GRAMD2B: variants seen among roughly 807,000 people sequenced by gnomAD.
The protein encoded by GRAMD2B is GRAM domain containing 2B.
In GRAMD2B, 41 loss-of-function variants were observed where a neutral mutation model predicts 59.2. The ratio of observed to expected loss-of-function variants is 0.69; its 90% CI spans 0.54 to 0.90. The LOEUF (loss-of-function observed/expected upper bound fraction) is 0.90, where lower values mean the gene tolerates loss of function less well. GRAMD2B is among the 40% of genes least tolerant of loss of function. The pLI is 0.00. For synonymous variants in GRAMD2B, 161 were observed against 182.7 expected (o/e 0.88, Z 0.96); for missense variants, 424 against 500.5 (o/e 0.85, Z 1.46).
intron 1 of GRAMD2B, among the ~76,000 whole-genome samples, chr5:126,396,526 G>T (rs899183509): frequency 6.6e-6 from 1 of 152,090 alleles, no homozygotes; most frequent in African/African-American, 2.4e-5. Context: ...TTTTATTACT[G>T]CATAGTATTG....
At chr5:126,423,935 A>C (rs530946422) in intron 1 of GRAMD2B, among the ~76,000 whole-genome samples, 1 of 152,336 alleles carries the variant, frequency 6.6e-6, no homozygotes, top group Admixed American at 6.5e-5. Flanking sequence ...AACTCACTGG[A>C]TGTTGGGAAA....
chr5:126,451,067 AC>A (rs1242166930), intron 1 of GRAMD2B, among the ~76,000 whole-genome samples: 1 of 152,026 alleles, frequency 6.6e-6, no homozygotes, highest in East Asian at 1.9e-4. Flanking sequence ...GGCAGCTTGC[AC>A]CCTACATCTG....
At chr5:126,467,960 G>A (rs1318065369) in intron 2 of GRAMD2B, among the ~76,000 whole-genome samples, 4 of 152,150 alleles carry the variant, frequency 2.6e-5, no homozygotes, top group African/African-American at 9.7e-5. Flanking sequence ...CTGTTTCTCT[G>A]TGACACCCAT....
intron 1 of GRAMD2B, among the ~76,000 whole-genome samples, chr5:126,389,677 G>A (rs1036751879): frequency 3.9e-5 from 6 of 152,296 alleles, no homozygotes; most frequent in Admixed American, 1.3e-4. Context: ...GCTGGGCACC[G>A]TGGCTCACAC....
At chr5:126,395,521 A>G (rs1422271) in intron 1 of GRAMD2B, among the ~76,000 whole-genome samples, 121,517 of 152,128 alleles carry the variant, frequency 0.8, 49,057 homozygotes, top group Non-Finnish European at 0.86. Context: ...AGGCAACACA[A>G]AATTCACAAA....
In GRAMD2B at chr5:126,473,281, A is replaced by G. The variant is rs766973752; in HGVS notation, c.399A>G (p.Leu133=). The change falls in exon 5 of 14, where the codon CTA becomes CTG. Residue 133 remains leucine, a synonymous_variant. Coordinates refer to ENST00000285689, the MANE Select transcript of GRAMD2B (RefSeq NM_023927.4). ...TTTTCCCAGGCTTTACCTGTGCTCT[A>G]CAGAAAGAAATACTATACCAAGGAA... ...EPLKQSFTCA[L]QKEILYQGKL... 2.1e-6 allele frequency: 3 copies of G among 1,446,096 alleles called. No homozygotes were observed. Among genetic ancestry groups the G allele is most frequent in the Middle Eastern group, 1.8e-4 (1 of 5,612 alleles). The allele number at this position is 1,446,096 out of a possible 1,614,324, so 89.6% of individuals were successfully genotyped here.
At chr5:126,428,804 A>G (rs979925734) in intron 1 of GRAMD2B, among the ~76,000 whole-genome samples, 4 of 152,248 alleles carry the variant, frequency 2.6e-5, no homozygotes, top group African/African-American at 9.6e-5. Flanking sequence ...ATCACTAATC[A>G]TTAGCGAAAC....
intron 1 of GRAMD2B, among the ~76,000 whole-genome samples, chr5:126,418,078 G>A (rs1263681559): frequency 1.3e-5 from 2 of 152,174 alleles, no homozygotes; most frequent in Non-Finnish European, 2.9e-5. Flanking sequence ...AAGCAGGAGA[G>A]ACTGCATTGA....
At chr5:126,486,833 C>A in intron 11 of GRAMD2B, 40 bp from the exon 12 acceptor site, 2 of 1,249,534 alleles carry the variant, frequency 1.6e-6, no homozygotes, top group Non-Finnish European at 2.4e-6. Flanking sequence ...CAGATCCTGG[C>A]CGTTAACCTA....
At position 126,488,800 on chromosome 5, in the gene GRAMD2B, C is replaced by CA; in HGVS notation, c.1166dup (p.Ala390GlyfsTer24). 6.2e-7 allele frequency: 1 copy of CA among 1,610,382 alleles called. No homozygotes were observed. The highest frequency in any genetic ancestry group is 8.5e-7 in the Non-Finnish European group (1 of 1,177,456). ...TAATTTTTCTCTTTTTTCTTACAGACAGGCAGCACCATCTGGCCTGAGGTC... is the reference window on the plus strand; with the variant it reads ...TAATTTTTCTCTTTTTTCTTACAGACAAGGCAGCACCATCTGGCCTGAGGTC... On this transcript the variant is annotated frameshift_variant and splice_region_variant, in exon 13 of 14. Transcript: ENST00000285689. LOFTEE classifies it high-confidence loss of function.
At chr5:126,460,917 G>A (rs918516638) in intron 1 of GRAMD2B, among the ~76,000 whole-genome samples, 3 of 152,106 alleles carry the variant, frequency 2.0e-5, no homozygotes, top group Admixed American at 1.3e-4. Flanking sequence ...TCAAGACTGT[G>A]GCTTTAAAAT....
At chr5:126,484,880 G>A (rs1003544900) in intron 10 of GRAMD2B, among the ~76,000 whole-genome samples, 12 of 151,996 alleles carry the variant, frequency 7.9e-5, no homozygotes, top group Admixed American at 2.6e-4. Flanking sequence ...CACCATGCCC[G>A]GCCTATTTGT....
At chr5:126,462,879 G>C (rs112276265) in intron 1 of GRAMD2B, among the ~76,000 whole-genome samples, 1 of 152,198 alleles carries the variant, frequency 6.6e-6, no homozygotes, top group African/African-American at 2.4e-5. Flanking sequence ...GTGAAGTGGA[G>C]AGTATGTAGA....
chr5:126,454,930 T>C (rs1461175780), intron 1 of GRAMD2B, among the ~76,000 whole-genome samples: 1 of 152,246 alleles, frequency 6.6e-6, no homozygotes, highest in African/African-American at 2.4e-5. Flanking sequence ...GCTATCAATA[T>C]ACATCTATTA....
chr5:126,429,348 A>G (rs1019879846), intron 1 of GRAMD2B, among the ~76,000 whole-genome samples: 11 of 152,188 alleles, frequency 7.2e-5, no homozygotes, highest in Non-Finnish European at 1.6e-4. Context: ...ACACATGGAC[A>G]CACAGAGGGG....
chr5:126,473,141 G>A lies in GRAMD2B; in HGVS notation c.383-124G>A, dbSNP rs538958116. The A allele has an allele frequency of 8.8e-5, 36 of 410,980 alleles. No homozygotes were observed. In the Admixed American group the frequency reaches 1.2e-3, roughly 14 times the overall value. 25.5% of individuals were successfully genotyped at this position (410,980 alleles called of 1,614,324 possible). Reference sequence around the variant, plus strand: ...TTTCCATAAAGATGACAGAAGAAGAGGTAATAAAACTTTTGAGTGTGAATG... The same window carrying A: ...TTTCCATAAAGATGACAGAAGAAGAAGTAATAAAACTTTTGAGTGTGAATG... On this transcript the variant is annotated intron_variant, in intron 4 of 13. Transcript: ENST00000285689.
In GRAMD2B at chr5:126,483,589, T is replaced by C. The variant is rs527933627; in HGVS notation, c.847+15T>C. On this transcript the variant is annotated intron_variant, in intron 9 of 13. Coordinates refer to ENST00000285689, the MANE Select transcript of GRAMD2B (RefSeq NM_023927.4). The stretch of plus-strand genomic sequence containing the variant: ...GAACTCTCGAGGTTTGGGAAATTGT[T>C]GTATTTTGACTAAAATTTAATTCCC... 56 of 1,451,086 alleles carry C rather than the reference T, an allele frequency of 3.9e-5. 2 individuals carry two copies. The South Asian group carries it at 6.1e-4, about 16-fold the overall frequency. The allele number at this position is 1,451,086 out of a possible 1,614,324, so 89.9% of individuals were successfully genotyped here.
chr5:126,361,928 C>T (rs967101098), intron 1 of GRAMD2B, among the ~76,000 whole-genome samples: 4 of 152,160 alleles, frequency 2.6e-5, no homozygotes, highest in African/African-American at 9.7e-5. Context: ...TCAGTTCTTC[C>T]TCTGCAAAAT....
At chr5:126,383,436 T>C (rs532461312) in intron 1 of GRAMD2B, among the ~76,000 whole-genome samples, 1 of 152,314 alleles carries the variant, frequency 6.6e-6, no homozygotes, top group South Asian at 2.1e-4. Flanking sequence ...AAGTGATGAA[T>C]GAGTGCTTAT....
Sources: gnomAD v4.1 joint callset for allele counts (sites outside exome capture counted in the v4.1 genomes callset) on GRCh38, gnomAD v4.1.1 for gene constraint, MANE v1.5 for transcripts, NCBI Gene and HGNC (gene_info 2026-07-23, HGNC 2026-07-21) for gene names.